GABBR2: variants seen among roughly 807,000 people sequenced by gnomAD.
GABBR2 encodes gamma-aminobutyric acid type B receptor subunit 2.
GABBR2 carries 23 observed loss-of-function variants against 105.6 expected under a neutral mutation model. The observed-to-expected ratio is 0.22, with a 90% CI of 0.16 to 0.31. The LOEUF (loss-of-function observed/expected upper bound fraction) is 0.31. Among genes scored for constraint, GABBR2 ranks in the 10% least tolerant of loss-of-function variants. The probability of loss-of-function intolerance (pLI) is 1.00; values close to 1 mark genes in which losing one functional copy is unlikely to be tolerated. For missense variants in GABBR2, 734 were observed against 1,245.5 expected (o/e 0.59, Z 6.18); for synonymous variants, 478 against 499.7 (o/e 0.96, Z 0.58).
rs576846201 is a variant in GABBR2, at chr9:98,493,129, ATAC to A, written c.732+3281_732+3283del. ...ATTTTATACTTTGGGTTATATTCTA[ATAC>A]TACTTTAATTTTTTGTGTTCAAATT... On this transcript the variant is annotated intron_variant, in intron 4 of 18. Coordinates refer to ENST00000259455, the MANE Select transcript of GABBR2 (RefSeq NM_005458.8). Among the ~76,000 whole-genome samples the A allele has an allele frequency of 5.8e-4, 88 of 152,310 alleles. 1 individual carries two copies. Among genetic ancestry groups the A allele is most frequent in the African/African-American group, 2.0e-3 (85 of 41,554 alleles).
rs192145893 is a variant in GABBR2 at position 98,538,596 on chromosome 9, G to A, written c.630+3277C>T. On this transcript the variant is annotated intron_variant, in intron 3 of 18. Transcript: ENST00000259455. ...TCACAGGAGCAGCTGGTCCCCAGGT[G>A]GGATGGCCCTCAGCCTTCTACCCGC... 12 of 984,560 alleles carry A rather than the reference G, an allele frequency of 1.2e-5. 1 individual carries two copies. The highest frequency in any genetic ancestry group is 6.1e-5 in the Admixed American group (1 of 16,280). 61.0% of individuals were successfully genotyped at this position (984,560 alleles called of 1,614,324 possible). A position where few individuals can be genotyped will look rare whatever the true frequency, so the allele number is the denominator to read the frequency against.
chr9:98,525,999 G>A (rs995984438), intron 3 of GABBR2, among the ~76,000 whole-genome samples: 1 of 152,168 alleles, frequency 6.6e-6, no homozygotes, highest in South Asian at 2.1e-4. Context: ...GCTGGGGGCC[G>A]GAGAAAATGA....
intron 4 of GABBR2, among the ~76,000 whole-genome samples, chr9:98,489,764 G>A (rs1827137041): frequency 6.6e-6 from 1 of 152,040 alleles, no homozygotes; most frequent in Admixed American, 6.6e-5. Context: ...CACCAAGGCA[G>A]GGACGGAGTC....
At chr9:98,442,639 C>T (rs1294639782) in intron 7 of GABBR2, among the ~76,000 whole-genome samples, 5 of 152,204 alleles carry the variant, frequency 3.3e-5, no homozygotes, top group Non-Finnish European at 4.4e-5. Context: ...CTTGGGCCAT[C>T]ATCACAAAGT....
intron 13 of GABBR2, among the ~76,000 whole-genome samples, chr9:98,331,031 T>C (rs1450048848): frequency 6.6e-6 from 1 of 152,230 alleles, no homozygotes; most frequent in Non-Finnish European, 1.5e-5. Context: ...CTTCTTTCAC[T>C]GAACATAATG....
intron 1 of GABBR2, among the ~76,000 whole-genome samples, chr9:98,601,837 C>T (rs746958397): frequency 1.3e-5 from 2 of 152,176 alleles, no homozygotes; most frequent in Non-Finnish European, 1.5e-5. Context: ...TGGGCACTGC[C>T]AGGCTGAGCC....
intron 1 of GABBR2, among the ~76,000 whole-genome samples, chr9:98,664,241 G>A (rs189345330): frequency 2.0e-5 from 3 of 152,154 alleles, no homozygotes; most frequent in Non-Finnish European, 4.4e-5. Flanking sequence ...TCCTGCTGGG[G>A]GTGGGAAGAG....
At chr9:98,523,361 T>C (rs910803100) in intron 3 of GABBR2, among the ~76,000 whole-genome samples, 1 of 152,192 alleles carries the variant, frequency 6.6e-6, no homozygotes, top group Admixed American at 6.5e-5. Context: ...AGACTTAACT[T>C]GTGTTTTTCT....
rs1397112509 is a variant in GABBR2, at chr9:98,708,878, G to A, written c.-141C>T. 5 of 399,158 alleles carry A rather than the reference G, an allele frequency of 1.3e-5. No individual in the cohort carries two copies. Among genetic ancestry groups the A allele is most frequent in the Non-Finnish European group, 1.7e-5 (5 of 299,904 alleles). The allele number at this position is 399,158 out of a possible 1,614,324, so 24.7% of individuals were successfully genotyped here. On this transcript the variant is annotated 5_prime_UTR_variant, in exon 1 of 19. Transcript: ENST00000259455. Reference sequence around the variant, plus strand: ...GGCTCCGTCTCGGGCTAGGGTTCCGGCTCGGCTCAGAACGGCCGCGGCGGC... The same window carrying A: ...GGCTCCGTCTCGGGCTAGGGTTCCGACTCGGCTCAGAACGGCCGCGGCGGC...
intron 16 of GABBR2, 130 bp downstream of exon 16, chr9:98,303,111 G>A (rs1830495225): frequency 1.5e-6 from 1 of 657,778 alleles, no homozygotes; most frequent in Non-Finnish European, 2.6e-6. Context: ...TCTCGCAGCT[G>A]CAACTGCAGC....
At chr9:98,364,360 C>A (rs1057457778) in intron 12 of GABBR2, among the ~76,000 whole-genome samples, 1 of 152,194 alleles carries the variant, frequency 6.6e-6, no homozygotes, top group African/African-American at 2.4e-5. Context: ...GTTTGAGCCC[C>A]CAGGCATTTG....
At chr9:98,419,691 G>C (rs1320287396) in intron 7 of GABBR2, among the ~76,000 whole-genome samples, 2 of 152,152 alleles carry the variant, frequency 1.3e-5, no homozygotes, top group African/African-American at 4.8e-5. Flanking sequence ...ACCCTGCTCT[G>C]CCTGGCCCCT....
At chr9:98,295,399 C>G (rs190286721) in intron 17 of GABBR2, among the ~76,000 whole-genome samples, 2 of 152,166 alleles carry the variant, frequency 1.3e-5, no homozygotes, top group Admixed American at 1.3e-4. Flanking sequence ...GGCTAGTGTC[C>G]CTAAGCACAA....
At chr9:98,669,387 G>A (rs1379088133) in intron 1 of GABBR2, among the ~76,000 whole-genome samples, 1 of 152,088 alleles carries the variant, frequency 6.6e-6, no homozygotes, top group Admixed American at 6.5e-5. Context: ...AAGTCCTTTG[G>A]TCATTTTAAT....
At chr9:98,650,480 A>C in intron 1 of GABBR2, among the ~76,000 whole-genome samples, 1 of 152,248 alleles carries the variant, frequency 6.6e-6, no homozygotes, top group East Asian at 1.9e-4. Flanking sequence ...CCCAAAGCTA[A>C]TGAGGTCATC....
intron 1 of GABBR2, among the ~76,000 whole-genome samples, chr9:98,678,335 C>T (rs574345144): frequency 2.6e-5 from 4 of 152,348 alleles, no homozygotes; most frequent in South Asian, 4.1e-4. Flanking sequence ...GCTCTAACCA[C>T]TGGCACCCTA....
rs371763885 is a variant in GABBR2 at position 98,644,982 on chromosome 9, A to G, written c.321+63435T>C. ...TTAGCCCAGCAATATATGTTACCCC[A>G]AGGTATAAAACCCAGGGCGGGCTGT... On this transcript the variant is annotated intron_variant, in intron 1 of 18. Transcript: ENST00000259455. Among the ~76,000 whole-genome samples, 28 of 152,316 alleles carry G rather than the reference A, an allele frequency of 1.8e-4. 1 individual carries two copies. The highest frequency in any genetic ancestry group is 1.2e-3 in the Admixed American group (18 of 15,300).
chr9:98,683,443 G>A (rs1830575634), intron 1 of GABBR2, among the ~76,000 whole-genome samples: 1 of 152,108 alleles, frequency 6.6e-6, no homozygotes, highest in Non-Finnish European at 1.5e-5. Context: ...GTTTTATCTT[G>A]AAGGAGGAAT....
At chr9:98,523,135 C>T (rs113854578) in intron 3 of GABBR2, among the ~76,000 whole-genome samples, 24 of 151,994 alleles carry the variant, frequency 1.6e-4, no homozygotes, top group South Asian at 1.2e-3. Context: ...TGCTTAACTA[C>T]GCTTAATAGC....
Sources: gnomAD v4.1 joint callset for allele counts (sites outside exome capture counted in the v4.1 genomes callset) on GRCh38, gnomAD v4.1.1 for gene constraint, MANE v1.5 for transcripts, NCBI Gene and HGNC (gene_info 2026-07-23, HGNC 2026-07-21) for gene names.